Variants in CPSF6 observed in about 807,000 individuals in gnomAD.
CPSF6 encodes cleavage and polyadenylation specific factor 6, also known as cleavage and polyadenylation specificity factor subunit 6.
Under a neutral mutation model 56.7 loss-of-function variants are expected in CPSF6, and 10 were observed. The observed-to-expected ratio is 0.18, with a 90% CI of 0.11 to 0.30. CPSF6 has a LOEUF of 0.30. Ranked by LOEUF, CPSF6 falls within the 10% of genes least tolerant of loss-of-function variation. The pLI is 1.00. For synonymous variants in CPSF6, 248 were observed against 244.8 expected (o/e 1.01, Z -0.12); for missense variants, 419 against 722.9 (o/e 0.58, Z 4.82).
At chr12:69,244,551 T>C (rs912250823) in intron 1 of CPSF6, among the ~76,000 whole-genome samples, 13 of 152,028 alleles carry the variant, frequency 8.6e-5, no homozygotes, top group African/African-American at 3.1e-4. Flanking sequence ...AATTTTTTTT[T>C]TTAACTTTTA....
chr12:69,244,645 C>T (rs1871795590), intron 1 of CPSF6, among the ~76,000 whole-genome samples: 1 of 152,020 alleles, frequency 6.6e-6, no homozygotes, highest in Non-Finnish European at 1.5e-5. Flanking sequence ...CCTCTTGCCT[C>T]AGCCTCCCAA....
intron 9 of CPSF6, among the ~76,000 whole-genome samples, chr12:69,263,569 C>T (rs541523944): frequency 1.4e-4 from 22 of 151,832 alleles, no homozygotes; most frequent in Middle Eastern, 3.4e-3. Flanking sequence ...CTAAACAAAC[C>T]CCTCATAGGT....
chr12:69,261,579 A>C (rs1872742679), intron 8 of CPSF6, among the ~76,000 whole-genome samples: 1 of 152,158 alleles, frequency 6.6e-6, no homozygotes, highest in Admixed American at 6.5e-5. Flanking sequence ...TCTTGAAAAA[A>C]CAAAGTAATA....
intron 9 of CPSF6, among the ~76,000 whole-genome samples, chr12:69,264,378 A>G (rs146853834): frequency 2.0e-5 from 3 of 152,226 alleles, no homozygotes; most frequent in East Asian, 1.9e-4. Flanking sequence ...ACTAATTACA[A>G]TTTCTACTGG....
chr12:69,272,817 A>G lies in CPSF6; in HGVS notation c.*3309A>G, dbSNP rs186700305. 1.2e-3 allele frequency: 197 copies of G among 160,496 alleles called. 2 individuals carry two copies. Among genetic ancestry groups the G allele is most frequent in the Middle Eastern group, 9.4e-3 (3 of 320 alleles). The allele number at this position is 160,496 out of a possible 1,614,324, so 9.9% of individuals were successfully genotyped here. A position where few individuals can be genotyped will look rare whatever the true frequency, so the allele number is the denominator to read the frequency against. ...TGTATATTAGACATTTTTGTGCTAA[A>G]ATATATTAAGTGGGATTTTTGTAGC... On this transcript the variant is annotated 3_prime_UTR_variant, in exon 10 of 10. Transcript: ENST00000435070.
chr12:69,247,828 T>C (rs1871995495), intron 1 of CPSF6, among the ~76,000 whole-genome samples: 1 of 152,064 alleles, frequency 6.6e-6, no homozygotes, highest in East Asian at 1.9e-4. Flanking sequence ...TACAAAAGAG[T>C]GTGCTTTGAG....
chr12:69,265,598 C>CTTTTTTT (rs56097101), intron 9 of CPSF6, among the ~76,000 whole-genome samples: 3 of 99,802 alleles, frequency 3.0e-5, no homozygotes, highest in Non-Finnish European at 4.0e-5. Context: ...TATCTGATTA[C>CTTTTTTT]TTTTTTTTTT....
rs1393242069 is a variant in CPSF6, at chr12:69,274,126, T to G, written c.*4618T>G. On this transcript the variant is annotated 3_prime_UTR_variant, in exon 10 of 10. Coordinates refer to ENST00000435070, the MANE Select transcript of CPSF6 (RefSeq NM_007007.3). Reference sequence around the variant, plus strand: ...CTAATAGACTTTTTTTTTTTTTTTTTTGCTGTCCATGAGAATTAGACTTCA... The same window carrying G: ...CTAATAGACTTTTTTTTTTTTTTTTGTGCTGTCCATGAGAATTAGACTTCA... 2.0e-5 allele frequency: 3 copies of G among 150,934 alleles called. No individual in the cohort carries two copies. The allele number at this position is 150,934 out of a possible 1,614,324, so 9.3% of individuals were successfully genotyped here.
chr12:69,260,104 A>T lies in CPSF6; in HGVS notation c.1376A>T (p.Lys459Ile). The change falls in exon 8 of 10, where the codon AAA becomes ATA. Residue 459 changes from lysine to isoleucine, a missense_variant. Coordinates refer to ENST00000435070, the MANE Select transcript of CPSF6 (RefSeq NM_007007.3). ...GCAATTTCTTTAATTAAACAATCCA[A>T]AGTATCTGCTGATGATCGTTGCAAA... ...VTAISLIKQS[K>I]VSADDRCKVL... is the part of the protein sequence containing the mutation. The T allele has an allele frequency of 6.2e-7, 1 of 1,613,540 alleles. No homozygotes were observed.
At chr12:69,265,851 C>T (rs1009230297) in intron 9 of CPSF6, among the ~76,000 whole-genome samples, 1 of 151,976 alleles carries the variant, frequency 6.6e-6, no homozygotes, top group Non-Finnish European at 1.5e-5. Context: ...ATCCACCCAT[C>T]TCTGCCTCCC....
At chr12:69,247,890 A>G (rs1180490718) in intron 1 of CPSF6, among the ~76,000 whole-genome samples, 1 of 152,178 alleles carries the variant, frequency 6.6e-6, no homozygotes, top group Non-Finnish European at 1.5e-5. Context: ...ATGTTTTTTC[A>G]CAAAGTTTAA....
intron 8 of CPSF6, among the ~76,000 whole-genome samples, chr12:69,261,011 GATCT>G (rs1443619906): frequency 1.6e-4 from 25 of 152,282 alleles, no homozygotes; most frequent in African/African-American, 5.8e-4. Context: ...ATGAATGAAT[GATCT>G]ATCTTTTAGG....
At chr12:69,262,249 T>C in intron 8 of CPSF6, 124 bp from the exon 9 acceptor site, 3 of 1,202,356 alleles carry the variant, frequency 2.5e-6, no homozygotes, top group Non-Finnish European at 3.3e-6. Context: ...CAGCTCAGGA[T>C]AGTAAGTTTA....
intron 3 of CPSF6, among the ~76,000 whole-genome samples, chr12:69,254,151 C>T (rs958699396): frequency 4.0e-5 from 6 of 151,664 alleles, no homozygotes; most frequent in African/African-American, 1.4e-4. Context: ...TAGACTGCCC[C>T]CTACAGTCTG....
Position 69,273,213 on chromosome 12 carries a change from GAATATTCTA to G in CPSF6, c.*3713_*3721del, listed in dbSNP as rs1464373892. The G allele has an allele frequency of 1.9e-6, 1 of 514,884 alleles. No individual in the cohort carries two copies. Among genetic ancestry groups the G allele is most frequent in the Non-Finnish European group, 4.0e-6 (1 of 252,656 alleles). The allele number at this position is 514,884 out of a possible 1,614,324, so 31.9% of individuals were successfully genotyped here. Reference sequence around the variant, plus strand: ...AGAAAGAAGCAATATGAATTTTTGTGAATATTCTAAATATTCAGGCAACACTGTTCAGAT... The same window carrying G: ...AGAAAGAAGCAATATGAATTTTTGTGAATATTCAGGCAACACTGTTCAGAT... On this transcript the variant is annotated 3_prime_UTR_variant, in exon 10 of 10. Coordinates refer to ENST00000435070, the MANE Select transcript of CPSF6 (RefSeq NM_007007.3).
At chr12:69,266,679 G>T (rs1873002744) in intron 9 of CPSF6, among the ~76,000 whole-genome samples, 1 of 152,106 alleles carries the variant, frequency 6.6e-6, no homozygotes, top group Non-Finnish European at 1.5e-5. Flanking sequence ...TGAATTTGTG[G>T]TAGCATGTTT....
rs370987967 is a variant in CPSF6, at chr12:69,251,261, G to A, written c.193G>A (p.Gly65Ser). The change falls in exon 2 of 10, where the codon GGT (glycine) becomes AGT (serine). Residue 65 changes from glycine to serine, a missense_variant. Transcript: ENST00000435070. The stretch of plus-strand genomic sequence containing the variant: ...CCCACCAACTGTTGGTGATGATGTG[G>A]GTAAAGGAGCAGCACCAAATGTTGT... ...TLPPTVGDDV[G>S]KGAAPNVVYT... The A allele has an allele frequency of 3.6e-5, 58 of 1,612,416 alleles. No homozygotes were observed. Among genetic ancestry groups the A allele is most frequent in the Non-Finnish European group, 4.7e-5 (55 of 1,179,540 alleles).
At chr12:69,256,673 C>A in intron 3 of CPSF6, 24 bp from the exon 4 acceptor site, 1 of 1,593,342 alleles carries the variant, frequency 6.3e-7, no homozygotes, top group Non-Finnish European at 8.5e-7. Context: ...TACTTTGTAT[C>A]CTCACCCCTT....
intron 1 of CPSF6, among the ~76,000 whole-genome samples, chr12:69,245,523 A>G (rs1565642558): frequency 2.0e-5 from 3 of 152,320 alleles, no homozygotes; most frequent in Middle Eastern, 3.4e-3. Flanking sequence ...TCCCTCTCAG[A>G]TAAGAGGGGA....
Sources: allele counts gnomAD v4.1 joint callset (sites outside exome capture counted in the v4.1 genomes callset), GRCh38; gene constraint gnomAD v4.1.1; transcripts MANE v1.5; gene names NCBI Gene and HGNC (gene_info 2026-07-23, HGNC 2026-07-21).